Variants in CXCL1 observed in about 807,000 individuals in gnomAD.
CXCL1 encodes growth-regulated alpha protein.
Under a neutral mutation model 11.7 loss-of-function variants are expected in CXCL1, and 9 were observed. The ratio of observed to expected loss-of-function variants is 0.77; its 90% CI spans 0.46 to 1.34. The LOEUF is 1.34. Among genes scored for constraint, CXCL1 ranks in the 40% most tolerant of loss-of-function variants. The probability of loss-of-function intolerance (pLI) is 0.00; values close to 1 mark genes in which losing one functional copy is unlikely to be tolerated. For missense variants in CXCL1, 146 were observed against 138.1 expected (o/e 1.06, Z -0.29); for synonymous variants, 78 against 59.1 (o/e 1.32, Z -1.47).
In CXCL1 at chr4:73,869,926, G is replaced by C; in HGVS notation, c.245G>C (p.Arg82Pro). ...TEVIATLKNG[R>P]KACLNPASPI... Reference sequence around the variant, plus strand: ...TGCAGAGCCACACTCAAGAATGGGCGGAAAGCTTGCCTCAATCCTGCATCC... The same window carrying C: ...TGCAGAGCCACACTCAAGAATGGGCCGAAAGCTTGCCTCAATCCTGCATCC... Residue 82 changes from arginine to proline, a missense_variant, in exon 3 of 4, where the codon CGG (arginine) becomes CCG (proline). Coordinates refer to ENST00000395761, the MANE Select transcript of CXCL1 (RefSeq NM_001511.4). 1 of 1,614,110 alleles carries C rather than the reference G, an allele frequency of 6.2e-7. No individual in the cohort carries two copies. The highest frequency in any genetic ancestry group is 8.5e-7 in the Non-Finnish European group (1 of 1,180,024).
rs755816985 is a variant in CXCL1 at position 73,869,431 on chromosome 4, C to G, written c.-40C>G. ...CGCAGGCACCTCCTCGCCAGCTCTT[C>G]CGCTCCTCTCACAGCCGCCAGACCC... On this transcript the variant is annotated 5_prime_UTR_variant, in exon 1 of 4. Coordinates refer to ENST00000395761, the MANE Select transcript of CXCL1 (RefSeq NM_001511.4). The G allele has an allele frequency of 7.1e-6, 11 of 1,538,726 alleles. No homozygotes were observed. In the South Asian group the frequency reaches 1.3e-4, roughly 18 times the overall value.
In CXCL1 at chr4:73,869,589, G is replaced by T. The variant is rs1028922935; in HGVS notation, c.100+19G>T. 6.2e-7 allele frequency: 1 copy of T among 1,612,484 alleles called. No homozygotes were observed. Among genetic ancestry groups the T allele is most frequent in the East Asian group, 2.2e-5 (1 of 44,848 alleles). On this transcript the variant is annotated intron_variant, in intron 1 of 3. Coordinates refer to ENST00000395761, the MANE Select transcript of CXCL1 (RefSeq NM_001511.4). The stretch of plus-strand genomic sequence containing the variant: ...GCAGCAGGTGGGTACCGGCGCCCTG[G>T]GGTCCCCGGGCCGGACGCGGCTGGG...
chr4:73,869,734 A>G lies in CXCL1; in HGVS notation c.166A>G (p.Asn56Asp), dbSNP rs768428003. Reference sequence around the variant, plus strand: ...GACCCTGCAGGGAATTCACCCCAAGAACATCCAAAGTGTGAACGTGAAGTC... The same window carrying G: ...GACCCTGCAGGGAATTCACCCCAAGGACATCCAAAGTGTGAACGTGAAGTC... ...LQTLQGIHPK[N>D]IQSVNVKSPG... is the part of the protein sequence containing the mutation. Residue 56 changes from asparagine (N) to aspartate (D), a missense_variant, in exon 2 of 4, where the codon AAC (asparagine) becomes GAC (aspartate). Physicochemically the swap from Asn to Asp is conservative, Grantham distance 23 (BLOSUM62 1). Coordinates refer to ENST00000395761, the MANE Select transcript of CXCL1 (RefSeq NM_001511.4). 2.0e-5 allele frequency: 32 copies of G among 1,613,942 alleles called. No homozygotes were observed. Among genetic ancestry groups the G allele is most frequent in the Non-Finnish European group, 1.7e-6 (2 of 1,180,000 alleles).
chr4:73,870,292 AG>A (rs1731918214), intron 3 of CXCL1: 1 of 618,362 alleles, frequency 1.6e-6, no homozygotes, highest in Admixed American at 3.0e-5. Context: ...TTAATCCAAT[AG>A]TACAGTGGAG....
At position 73,870,534 on chromosome 4, in the gene CXCL1, T is replaced by C; in HGVS notation, c.322T>C (p.Ter108ArgextTer13). Residue 108 changes from the stop codon to arginine (R), a stop_lost, in exon 4 of 4, where the codon TGA becomes CGA. Coordinates refer to ENST00000395761, the MANE Select transcript of CXCL1 (RefSeq NM_001511.4). ...TTCTCATTGCAGTGACAAATCCAAC[T>C]GACCAGAAGGGAGGAGGAAGCTCAC... is the stretch of plus-strand genomic sequence containing the variant. Reference protein sequence around the residue: ...EKMLNSDKSN* With the variant: ...EKMLNSDKSNR The C allele has an allele frequency of 6.2e-7, 1 of 1,613,818 alleles. No homozygotes were observed. The highest frequency in any genetic ancestry group is 8.5e-7 in the Non-Finnish European group (1 of 1,179,814).
chr4:73,869,915 C>G lies in CXCL1; in HGVS notation c.234C>G (p.Leu78=), dbSNP rs780191003. The G allele has an allele frequency of 6.2e-7, 1 of 1,614,026 alleles. No individual in the cohort carries two copies. Among genetic ancestry groups the G allele is most frequent in the Non-Finnish European group, 8.5e-7 (1 of 1,180,026 alleles). Residue 78 remains leucine, a synonymous_variant, in exon 3 of 4, where the codon CTC becomes CTG. Transcript: ENST00000395761. ...HCAQTEVIAT[L]KNGRKACLNP... is the part of the protein sequence containing the mutation. ...TCCCTTCCCTCTGCAGAGCCACACT[C>G]AAGAATGGGCGGAAAGCTTGCCTCA...
chr4:73,870,068 T>A (rs1731912792), intron 3 of CXCL1, 79 bp downstream of exon 3: 1 of 1,416,612 alleles, frequency 7.1e-7, no homozygotes, highest in East Asian at 2.4e-5. Flanking sequence ...AAAAATAAAA[T>A]CAGGAAAACC....
At position 73,869,437 on chromosome 4, in the gene CXCL1, C is replaced by T; in HGVS notation, c.-34C>T. On this transcript the variant is annotated 5_prime_UTR_variant, in exon 1 of 4. Transcript: ENST00000395761. ...CACCTCCTCGCCAGCTCTTCCGCTCCTCTCACAGCCGCCAGACCCGCCTGC... is the reference window on the plus strand; with the variant it reads ...CACCTCCTCGCCAGCTCTTCCGCTCTTCTCACAGCCGCCAGACCCGCCTGC... The T allele has an allele frequency of 1.3e-6, 2 of 1,541,646 alleles. No homozygotes were observed. The highest frequency in any genetic ancestry group is 2.4e-5 in the East Asian group (1 of 40,930).
chr4:73,869,527 A>C lies in CXCL1; in HGVS notation c.57A>C (p.Ala19=). ...APSNPRLLRV[A]LLLLLLVAAG... ...GCAATCCCCGGCTCCTGCGAGTGGC[A>C]CTGCTGCTCCTGCTCCTGGTAGCCG... Residue 19 remains alanine (A), a synonymous_variant, in exon 1 of 4, where the codon GCA becomes GCC. Coordinates refer to ENST00000395761, the MANE Select transcript of CXCL1 (RefSeq NM_001511.4). The C allele has an allele frequency of 6.2e-7, 1 of 1,601,726 alleles. No individual in the cohort carries two copies. Among genetic ancestry groups the C allele is most frequent in the African/African-American group, 1.3e-5 (1 of 74,532 alleles).
rs1814092 is a variant in CXCL1, at chr4:73,870,518, C to T, written c.309-3C>T. On this transcript the variant is annotated splice_region_variant and splice_polypyrimidine_tract_variant and intron_variant, in intron 3 of 3. Coordinates refer to ENST00000395761, the MANE Select transcript of CXCL1 (RefSeq NM_001511.4). The stretch of plus-strand genomic sequence containing the variant: ...ACTCAGGGCACCCATTTTCTCATTG[C>T]AGTGACAAATCCAACTGACCAGAAG... 0.012 allele frequency: 19,037 copies of T among 1,613,678 alleles called. 1,748 individuals carry two copies. The African/African-American group carries it at 0.21, about 18-fold the overall frequency.
In CXCL1 at chr4:73,869,677, G is replaced by A; in HGVS notation, c.109G>A (p.Val37Met). The change falls in exon 2 of 4, where the codon GTG becomes ATG. Residue 37 changes from valine to methionine, a missense_variant. Transcript: ENST00000395761. ...AAGRRAAGAS[V>M]ATELRCQCLQ... ...AGTCTCTTCTTCCCTAGGAGCGTCC[G>A]TGGCCACTGAACTGCGCTGCCAGTG... is the stretch of plus-strand genomic sequence containing the variant. The A allele has an allele frequency of 3.7e-6, 6 of 1,614,208 alleles. No homozygotes were observed. Among genetic ancestry groups the A allele is most frequent in the Non-Finnish European group, 3.4e-6 (4 of 1,180,028 alleles).
rs1292634754 is a variant in CXCL1 at position 73,869,574 on chromosome 4, G to A, written c.100+4G>A. ...GCCGCTGGCCGGCGCGCAGCAGGTG[G>A]GTACCGGCGCCCTGGGGTCCCCGGG... On this transcript the variant is annotated splice_donor_region_variant and intron_variant, in intron 1 of 3. Coordinates refer to ENST00000395761, the MANE Select transcript of CXCL1 (RefSeq NM_001511.4). The A allele has an allele frequency of 1.9e-6, 3 of 1,611,854 alleles. No individual in the cohort carries two copies. The African/African-American group carries it at 4.0e-5, about 22-fold the overall frequency.
Position 73,869,474 on chromosome 4 carries a change from G to T in CXCL1, c.4G>T (p.Ala2Ser). ...CCAGACCCGCCTGCTGAGCCCCATG[G>T]CCCGCGCTGCTCTCTCCGCCGCCCC... MARAALSAAPSN... is the reference protein window; with the variant it reads MSRAALSAAPSN... The change falls in exon 1 of 4, where the codon GCC becomes TCC. Residue 2 changes from alanine (A) to serine (S), a missense_variant. Ala to Ser is a moderately conservative substitution (Grantham distance 99). Transcript: ENST00000395761. The T allele has an allele frequency of 6.4e-7, 1 of 1,561,062 alleles. No homozygotes were observed.
Position 73,869,609 on chromosome 4 carries a change from G to A in CXCL1, c.100+39G>A, listed in dbSNP as rs775277654. The A allele has an allele frequency of 1.7e-5, 28 of 1,613,144 alleles. No homozygotes were observed. In the Admixed American group the frequency reaches 3.0e-4, roughly 17 times the overall value. ...CCCTGGGGTCCCCGGGCCGGACGCG[G>A]CTGGGGTAGGCACCCAGCGCCGACA... is the stretch of plus-strand genomic sequence containing the variant. On this transcript the variant is annotated intron_variant, in intron 1 of 3. Transcript: ENST00000395761.
intron 3 of CXCL1, 148 bp from the exon 4 acceptor site, chr4:73,870,373 A>C: frequency 2.2e-6 from 2 of 906,308 alleles, no homozygotes; most frequent in Non-Finnish European, 3.4e-6. Context: ...CACACAGCAC[A>C]GCTGTCATAG....
chr4:73,869,524 G>A lies in CXCL1; in HGVS notation c.54G>A (p.Val18=), dbSNP rs1205149662. The A allele has an allele frequency of 5.0e-6, 8 of 1,602,248 alleles. No homozygotes were observed. Among genetic ancestry groups the A allele is most frequent in the South Asian group, 1.1e-5 (1 of 90,336 alleles). The change falls in exon 1 of 4, where the codon GTG becomes GTA. Residue 18 remains valine (V), a synonymous_variant. Coordinates refer to ENST00000395761, the MANE Select transcript of CXCL1 (RefSeq NM_001511.4). ...AAPSNPRLLR[V]ALLLLLLVAA... ...CCAGCAATCCCCGGCTCCTGCGAGTGGCACTGCTGCTCCTGCTCCTGGTAG... is the reference window on the plus strand; with the variant it reads ...CCAGCAATCCCCGGCTCCTGCGAGTAGCACTGCTGCTCCTGCTCCTGGTAG...
rs948790170 is a variant in CXCL1 at position 73,869,525 on chromosome 4, G to A, written c.55G>A (p.Ala19Thr). ...CAGCAATCCCCGGCTCCTGCGAGTG[G>A]CACTGCTGCTCCTGCTCCTGGTAGC... ...APSNPRLLRV[A>T]LLLLLLVAAG... The change falls in exon 1 of 4, where the codon GCA becomes ACA. Residue 19 changes from alanine (A) to threonine (T), a missense_variant. Coordinates refer to ENST00000395761, the MANE Select transcript of CXCL1 (RefSeq NM_001511.4). 1.2e-5 allele frequency: 20 copies of A among 1,602,294 alleles called. No individual in the cohort carries two copies. The highest frequency in any genetic ancestry group is 1.6e-5 in the Non-Finnish European group (19 of 1,174,404).
rs767526268 is a variant in CXCL1 at position 73,870,545 on chromosome 4, G to T, written c.*9G>T. ...GTGACAAATCCAACTGACCAGAAGGGAGGAGGAAGCTCACTGGTGGCTGTT... is the reference window on the plus strand; with the variant it reads ...GTGACAAATCCAACTGACCAGAAGGTAGGAGGAAGCTCACTGGTGGCTGTT... On this transcript the variant is annotated 3_prime_UTR_variant, in exon 4 of 4. Coordinates refer to ENST00000395761, the MANE Select transcript of CXCL1 (RefSeq NM_001511.4). The T allele has an allele frequency of 6.2e-7, 1 of 1,613,904 alleles. No individual in the cohort carries two copies. The highest frequency in any genetic ancestry group is 8.5e-7 in the Non-Finnish European group (1 of 1,179,848).
intron 3 of CXCL1, 115 bp from the exon 4 acceptor site, chr4:73,870,406 G>C: frequency 7.3e-7 from 1 of 1,378,548 alleles, no homozygotes. Flanking sequence ...TGGTTGCCAG[G>C]CTGGGGAAAC....
Sources: gnomAD v4.1 joint callset for allele counts on GRCh38, gnomAD v4.1.1 for gene constraint, MANE v1.5 for transcripts, NCBI Gene and HGNC (gene_info 2026-07-23, HGNC 2026-07-21) for gene names.